SORCS2: variants seen among roughly 807,000 people sequenced by gnomAD.
SORCS2 encodes VPS10 domain-containing receptor SorCS2.
Under a neutral mutation model 141.6 loss-of-function variants are expected in SORCS2, and 100 were observed. The observed-to-expected ratio is 0.71, with a 90% CI of 0.60 to 0.83. The LOEUF is 0.83. Among genes scored for constraint, SORCS2 ranks in the 40% least tolerant of loss-of-function variants. SORCS2 has a pLI of 0.00. For synonymous variants in SORCS2, 789 were observed against 676.9 expected (o/e 1.17, Z -2.57); for missense variants, 1,646 against 1,560.2 (o/e 1.05, Z -0.93).
intron 2 of SORCS2, among the ~76,000 whole-genome samples, chr4:7,416,708 A>G (rs1466308256): frequency 3.3e-5 from 4 of 121,170 alleles, no homozygotes; most frequent in African/African-American, 1.2e-4. Flanking sequence ...ACTCACTCAC[A>G]CTTGTGCACA....
At chr4:7,485,245 C>G (rs1042731062) in intron 2 of SORCS2, among the ~76,000 whole-genome samples, 2 of 152,234 alleles carry the variant, frequency 1.3e-5, no homozygotes, top group Admixed American at 6.5e-5. Context: ...CAGCATGCCC[C>G]TCCCATCGCC....
At chr4:7,581,624 C>G (rs1267860911) in intron 3 of SORCS2, among the ~76,000 whole-genome samples, 1 of 152,200 alleles carries the variant, frequency 6.6e-6, no homozygotes, top group African/African-American at 2.4e-5. Context: ...AAACTCCACC[C>G]AGGACAGGAG....
At chr4:7,210,431 G>A (rs572484490) in intron 1 of SORCS2, among the ~76,000 whole-genome samples, 3 of 152,336 alleles carry the variant, frequency 2.0e-5, no homozygotes, top group East Asian at 1.9e-4. Flanking sequence ...ATAGGCACGC[G>A]CTACCATGCC....
chr4:7,223,428 C>A (rs953938402), intron 1 of SORCS2, among the ~76,000 whole-genome samples: 8 of 152,122 alleles, frequency 5.3e-5, no homozygotes, highest in Admixed American at 5.2e-4. Flanking sequence ...ACGGTCATTT[C>A]TTTATTTTTG....
chr4:7,481,018 C>G (rs773915984), intron 2 of SORCS2, among the ~76,000 whole-genome samples: 9 of 152,238 alleles, frequency 5.9e-5, no homozygotes, highest in Non-Finnish European at 8.8e-5. Context: ...CCTCCTAGAC[C>G]GACTGTCCTC....
intron 2 of SORCS2, among the ~76,000 whole-genome samples, chr4:7,424,462 C>T (rs1261305629): frequency 6.6e-6 from 1 of 152,192 alleles, no homozygotes; most frequent in African/African-American, 2.4e-5. Context: ...TGCCCAGCCC[C>T]TTGGCTATAA....
chr4:7,645,777 T>G (rs1721033832), intron 4 of SORCS2, among the ~76,000 whole-genome samples: 1 of 152,176 alleles, frequency 6.6e-6, no homozygotes, highest in African/African-American at 2.4e-5. Context: ...ATATGAAAGG[T>G]GATGGCTTCT....
rs776104060 is a variant in SORCS2 at position 7,740,181 on chromosome 4, C to A, written c.3416-19C>A. On this transcript the variant is annotated intron_variant, in intron 26 of 26. Coordinates refer to ENST00000507866, the MANE Select transcript of SORCS2 (RefSeq NM_020777.3). ...CCCGGGCTTGTGCTCACGGGACCTG[C>A]GTCTCTTCTGTTTCCTAGGCAACCA... 15 of 1,601,054 alleles carry A rather than the reference C, an allele frequency of 9.4e-6. No homozygotes were observed. Among genetic ancestry groups the A allele is most frequent in the African/African-American group, 1.3e-5 (1 of 74,746 alleles).
At chr4:7,611,017 G>A (rs958260158) in intron 3 of SORCS2, among the ~76,000 whole-genome samples, 2 of 152,160 alleles carry the variant, frequency 1.3e-5, no homozygotes, top group African/African-American at 2.4e-5. Context: ...CACTGAGAAC[G>A]GAGGGTGGCA....
At chr4:7,432,908 C>T (rs1726980340) in intron 2 of SORCS2, 1 of 161,646 alleles carries the variant, frequency 6.2e-6, no homozygotes, top group Non-Finnish European at 1.3e-5. Flanking sequence ...CTCGAAGCCT[C>T]CGTCCACCCC....
At chr4:7,306,530 C>A (rs1260295947) in intron 1 of SORCS2, among the ~76,000 whole-genome samples, 1 of 152,058 alleles carries the variant, frequency 6.6e-6, no homozygotes. Flanking sequence ...AACAGAGGGG[C>A]TGGGTTGGGG....
chr4:7,482,504 G>A (rs190668685), intron 2 of SORCS2, among the ~76,000 whole-genome samples: 62 of 69,992 alleles, frequency 8.9e-4, no homozygotes, highest in Admixed American at 1.2e-3. Flanking sequence ...TCCCCACCGC[G>A]GACACCCCTG....
chr4:7,694,684 C>T (rs1190359593), intron 11 of SORCS2, among the ~76,000 whole-genome samples: 1 of 152,320 alleles, frequency 6.6e-6, no homozygotes, highest in East Asian at 1.9e-4. Flanking sequence ...TTCTTCTGTT[C>T]ATTCATTCAC....
chr4:7,398,887 G>T (rs1724389765), intron 2 of SORCS2, among the ~76,000 whole-genome samples: 2 of 152,144 alleles, frequency 1.3e-5, no homozygotes, highest in African/African-American at 4.8e-5. Flanking sequence ...CTGAGCCAGG[G>T]AGTGTGAATG....
rs16840530 is a variant in SORCS2 at position 7,586,790 on chromosome 4, A to G, written c.649-51538A>G. On this transcript the variant is annotated intron_variant, in intron 3 of 26. Transcript: ENST00000507866. ...CAATTTTAGTGCCACTTTTACTCAG[A>G]TATGTTTCTTTCAGTCTTTTGTCCT... is the stretch of plus-strand genomic sequence containing the variant. Among the ~76,000 whole-genome samples, 134 of 152,186 alleles carry G rather than the reference A, an allele frequency of 8.8e-4. 1 individual carries two copies. In the East Asian group the frequency reaches 0.023, roughly 26 times the overall value.
chr4:7,208,544 C>T (rs748523174), intron 1 of SORCS2, among the ~76,000 whole-genome samples: 3 of 152,204 alleles, frequency 2.0e-5, no homozygotes, highest in African/African-American at 7.2e-5. Context: ...CCCCGGCAGC[C>T]GCAGGCAAGG....
At chr4:7,474,896 C>A (rs1420596145) in intron 2 of SORCS2, among the ~76,000 whole-genome samples, 2 of 152,176 alleles carry the variant, frequency 1.3e-5, no homozygotes, top group African/African-American at 4.8e-5. Context: ...CTGGCTGTCC[C>A]ACCTCCTGGT....
At chr4:7,366,371 C>T (rs1298029324) in intron 1 of SORCS2, among the ~76,000 whole-genome samples, 3 of 151,946 alleles carry the variant, frequency 2.0e-5, no homozygotes, top group Non-Finnish European at 4.4e-5. Flanking sequence ...GTTCCCTGCT[C>T]CCGGGCAGCC....
chr4:7,604,266 T>A (rs1717917148), intron 3 of SORCS2, among the ~76,000 whole-genome samples: 1 of 152,214 alleles, frequency 6.6e-6, no homozygotes, highest in Admixed American at 6.5e-5. Context: ...GTTTCCCCCA[T>A]GCTGTTCTCG....
Sources: allele counts gnomAD v4.1 joint callset (sites outside exome capture counted in the v4.1 genomes callset), GRCh38; gene constraint gnomAD v4.1.1; transcripts MANE v1.5; gene names NCBI Gene and HGNC (gene_info 2026-07-23, HGNC 2026-07-21).